UNC13A: variants seen among roughly 807,000 people sequenced by gnomAD.
UNC13A encodes protein unc-13 homolog A.
Under a neutral mutation model 219.7 loss-of-function variants are expected in UNC13A, and 61 were observed. That is an observed-to-expected ratio of 0.28 (90% CI 0.23 to 0.34). The LOEUF is 0.34. UNC13A is among the 10% of genes least tolerant of loss of function. The pLI is 1.00. For synonymous variants in UNC13A, 920 were observed against 884.6 expected, an observed-to-expected ratio of 1.04 and a Z score of -0.71; for missense variants, 1,476 against 2,270.3, an observed-to-expected ratio of 0.65 and a Z score of 7.11.
chr19:17,679,026 A>G (rs2079955472), intron 1 of UNC13A, among the ~76,000 whole-genome samples: 1 of 152,204 alleles, frequency 6.6e-6, no homozygotes, highest in South Asian at 2.1e-4. Flanking sequence ...AGGAAGGCTA[A>G]GGCAGGAGGA....
chr19:17,627,424 A>G lies in UNC13A; in HGVS notation c.3920+85T>C, dbSNP rs1050018339. Reference sequence around the variant, plus strand: ...CTGAGCCTGCAATCTTCACCTCTACATCTGCTGAGCCTCCAGATGCCCCAG... The same window carrying G: ...CTGAGCCTGCAATCTTCACCTCTACGTCTGCTGAGCCTCCAGATGCCCCAG... On this transcript the variant is annotated intron_variant, in intron 33 of 43. Transcript: ENST00000519716. The surrounding 1 kb of genome is among the most constrained non-coding windows in gnomAD (Gnocchi z 4.7). The G allele has an allele frequency of 7.6e-5, 82 of 1,076,126 alleles. No individual in the cohort carries two copies. Among genetic ancestry groups the G allele is most frequent in the Non-Finnish European group, 1.1e-4 (81 of 725,182 alleles). The allele number at this position is 1,076,126 out of a possible 1,614,324, so 66.7% of individuals were successfully genotyped here.
Position 17,649,376 on chromosome 19 carries a change from A to C in UNC13A, c.1519-32T>G, listed in dbSNP as rs891316507. 9 of 1,608,846 alleles carry C rather than the reference A, an allele frequency of 5.6e-6. No homozygotes were observed. In the African/African-American group the frequency reaches 1.2e-4, roughly 21 times the overall value. On this transcript the variant is annotated intron_variant, in intron 13 of 43. Transcript: ENST00000519716. This position sits in a 1 kb window ranked among gnomAD's most constrained non-coding sequence, Gnocchi z 4.4. ...TGTCCACGCAGCACATGGGGGTAGA[A>C]ATCAGACTACATTAGTCTCAGAGAA... is the stretch of plus-strand genomic sequence containing the variant.
At chr19:17,615,287 C>T (rs1331630153) in intron 41 of UNC13A, among the ~76,000 whole-genome samples, 1 of 152,162 alleles carries the variant, frequency 6.6e-6, no homozygotes, top group Non-Finnish European at 1.5e-5. Context: ...AGTTCGAGAC[C>T]AGCCTGGGCA....
At chr19:17,631,184 T>TCCC (rs1555778887) in intron 28 of UNC13A, among the ~76,000 whole-genome samples, 2 of 25,484 alleles carry the variant, frequency 7.8e-5, no homozygotes, top group Non-Finnish European at 1.7e-4. Flanking sequence ...CCTCCTTTCC[T>TCCC]TCCTTCCCTC....
At chr19:17,630,944 T>C (rs1324650094) in intron 28 of UNC13A, among the ~76,000 whole-genome samples, 194 bp from the exon 29 acceptor site, 1 of 151,428 alleles carries the variant, frequency 6.6e-6, no homozygotes, top group African/African-American at 2.4e-5. Context: ...ATGAAATAGA[T>C]TGAGTGGCCC....
rs753081471 is a variant in UNC13A at position 17,610,105 on chromosome 19, G to C, written c.4652-6C>G. 6.2e-7 allele frequency: 1 copy of C among 1,613,990 alleles called. No homozygotes were observed. Among genetic ancestry groups the C allele is most frequent in the East Asian group, 2.2e-5 (1 of 44,886 alleles). ...GAGGTCATTGGCAGCCACCACTGTTGGAGGAAGTAGAGGGTAAGACAGGTC... is the reference window on the plus strand; with the variant it reads ...GAGGTCATTGGCAGCCACCACTGTTCGAGGAAGTAGAGGGTAAGACAGGTC... On this transcript the variant is annotated splice_polypyrimidine_tract_variant and splice_region_variant and intron_variant, in intron 42 of 43. Coordinates refer to ENST00000519716, the MANE Select transcript of UNC13A (RefSeq NM_001080421.3).
intron 34 of UNC13A, 163 bp downstream of exon 34, chr19:17,626,470 C>T (rs1413859392): frequency 1.5e-6 from 1 of 687,994 alleles, no homozygotes. Flanking sequence ...TATTTACCCA[C>T]CCAACTTTCC....
intron 12 of UNC13A, among the ~76,000 whole-genome samples, chr19:17,650,477 C>T (rs1012155336): frequency 6.6e-6 from 1 of 152,108 alleles, no homozygotes; most frequent in Admixed American, 6.6e-5. Flanking sequence ...CACGCCACTG[C>T]AATCCAGCCT....
chr19:17,685,301 C>T (rs1411895722), intron 1 of UNC13A, among the ~76,000 whole-genome samples: 1 of 152,110 alleles, frequency 6.6e-6, no homozygotes, highest in Non-Finnish European at 1.5e-5. Flanking sequence ...AGTGATTCTC[C>T]TTCCTCAGCC....
At chr19:17,630,925 A>G (rs2076836608) in intron 28 of UNC13A, among the ~76,000 whole-genome samples, 175 bp from the exon 29 acceptor site, 1 of 152,006 alleles carries the variant, frequency 6.6e-6, no homozygotes, top group Non-Finnish European at 1.5e-5. Flanking sequence ...AACCTCAGTT[A>G]CTTTGCTCAT....
chr19:17,652,402 G>A (rs1044078726), intron 12 of UNC13A, among the ~76,000 whole-genome samples: 4 of 152,150 alleles, frequency 2.6e-5, no homozygotes, highest in Non-Finnish European at 4.4e-5. Context: ...AAAGTGCTAG[G>A]ATTACAGGCA....
intron 43 of UNC13A, among the ~76,000 whole-genome samples, chr19:17,607,115 G>T (rs935200762): frequency 6.6e-6 from 1 of 151,758 alleles, no homozygotes; most frequent in African/African-American, 2.4e-5. Context: ...GGGGCCAATC[G>T]CCCCAAAACC....
At chr19:17,655,160 T>C in intron 11 of UNC13A, 114 bp downstream of exon 11, 1 of 828,506 alleles carries the variant, frequency 1.2e-6, no homozygotes, top group South Asian at 1.4e-5. Context: ...TGGGTACGGG[T>C]GGGGTGTTGG....
chr19:17,638,387 G>C (rs766235157), intron 25 of UNC13A, among the ~76,000 whole-genome samples: 4 of 152,116 alleles, frequency 2.6e-5, no homozygotes, highest in Admixed American at 6.6e-5. Context: ...AGGATCACTT[G>C]AGCCTGGGAG....
chr19:17,679,795 T>G (rs2079971711), intron 1 of UNC13A, among the ~76,000 whole-genome samples: 2 of 152,152 alleles, frequency 1.3e-5, no homozygotes, highest in Admixed American at 1.3e-4. Context: ...TCTCTCACTG[T>G]CTCTGCCCTT....
At chr19:17,639,942 A>C in intron 22 of UNC13A, 34 bp from the exon 23 acceptor site, 1 of 1,610,058 alleles carries the variant, frequency 6.2e-7, no homozygotes, top group Non-Finnish European at 8.5e-7. Flanking sequence ...GGATGGATGG[A>C]GGCAGGACAT....
chr19:17,677,362 T>C (rs1189101801), intron 1 of UNC13A, among the ~76,000 whole-genome samples: 1 of 68,924 alleles, frequency 1.5e-5, no homozygotes, highest in Non-Finnish European at 2.7e-5. Context: ...CTTTTCTTTT[T>C]TTTTTTCTTT....
intron 17 of UNC13A, 48 bp from the exon 18 acceptor site, chr19:17,646,159 C>T (rs1225047271): frequency 4.4e-6 from 7 of 1,605,760 alleles, no homozygotes; most frequent in Non-Finnish European, 5.9e-6. Context: ...AGAAGCGAGG[C>T]ATGCTGGGGA....
At chr19:17,610,358 TGTG>T (rs2076589293) in intron 42 of UNC13A, among the ~76,000 whole-genome samples, 1 of 152,082 alleles carries the variant, frequency 6.6e-6, no homozygotes, top group Non-Finnish European at 1.5e-5. Context: ...CCCACATACT[TGTG>T]GGGCTAAAGC....
Sources: gnomAD v4.1 joint callset for allele counts (sites outside exome capture counted in the v4.1 genomes callset) on GRCh38, gnomAD v4.1.1 for gene constraint, Gnocchi (gnomAD v3.1) non-coding constraint, MANE v1.5 for transcripts, NCBI Gene and HGNC (gene_info 2026-07-23, HGNC 2026-07-21) for gene names.